TPST1: variants seen among roughly 807,000 people sequenced by gnomAD.
TPST1 encodes protein-tyrosine sulfotransferase 1.
Under a neutral mutation model 34.8 loss-of-function variants are expected in TPST1, and 20 were observed. That is an observed-to-expected ratio of 0.57 (90% confidence interval 0.40 to 0.84). TPST1 has a LOEUF of 0.84. Among genes scored for constraint, TPST1 ranks in the 40% least tolerant of loss-of-function variants. The probability of loss-of-function intolerance (pLI) is 0.00; values close to 1 mark genes in which losing one functional copy is unlikely to be tolerated. For missense variants in TPST1, 353 were observed against 455.5 expected, an observed-to-expected ratio of 0.78 and a Z score of 2.05; for synonymous variants, 152 against 159.4, an observed-to-expected ratio of 0.95 and a Z score of 0.35.
At chr7:66,355,567 G>T (rs1659185666) in intron 4 of TPST1, among the ~76,000 whole-genome samples, 1 of 151,374 alleles carries the variant, frequency 6.6e-6, no homozygotes, top group Admixed American at 6.6e-5. Context: ...TGGGCAAAAA[G>T]CCTGGACAAC....
intron 3 of TPST1, among the ~76,000 whole-genome samples, chr7:66,287,550 C>A (rs10950034): frequency 0.029 from 1,218 of 42,304 alleles, 4 homozygotes; most frequent in Non-Finnish European, 0.033. Flanking sequence ...TGCCATTCTA[C>A]CTGGTGTGAG....
At chr7:66,299,306 T>G (rs1791265086) in intron 3 of TPST1, among the ~76,000 whole-genome samples, 1 of 151,410 alleles carries the variant, frequency 6.6e-6, no homozygotes, top group Admixed American at 6.6e-5. Context: ...TAGGTTTTTT[T>G]TTTTTTTTTT....
intron 2 of TPST1, among the ~76,000 whole-genome samples, chr7:66,259,499 CTCT>C (rs1394644606): frequency 6.7e-6 from 1 of 150,358 alleles, no homozygotes; most frequent in Non-Finnish European, 1.5e-5. Flanking sequence ...AATTTTTTTT[CTCT>C]TCTTTCTCCT....
chr7:66,324,777 G>A (rs1418506268), intron 3 of TPST1, among the ~76,000 whole-genome samples: 6 of 134,164 alleles, frequency 4.5e-5, no homozygotes, highest in Admixed American at 8.4e-5. Flanking sequence ...CTCCAGCCTG[G>A]GTGACAGAGT....
intron 4 of TPST1, among the ~76,000 whole-genome samples, chr7:66,356,487 C>T (rs957174478): frequency 2.0e-5 from 3 of 152,196 alleles, no homozygotes; most frequent in East Asian, 1.9e-4. Flanking sequence ...CCAGAGTTGA[C>T]GTGGGCTCCA....
At chr7:66,275,408 G>A (rs1790787506) in intron 2 of TPST1, among the ~76,000 whole-genome samples, 2 of 152,058 alleles carry the variant, frequency 1.3e-5, no homozygotes, top group African/African-American at 2.4e-5. Flanking sequence ...TCAGAATGTG[G>A]TAGATATACC....
intron 1 of TPST1, among the ~76,000 whole-genome samples, chr7:66,234,833 C>A (rs1789878308): frequency 6.6e-6 from 1 of 151,642 alleles, no homozygotes; most frequent in African/African-American, 2.4e-5. Flanking sequence ...CCCGCCAACA[C>A]GCCTGGCTAA....
intron 2 of TPST1, among the ~76,000 whole-genome samples, chr7:66,284,312 G>C (rs1015032561): frequency 6.6e-6 from 1 of 151,990 alleles, no homozygotes; most frequent in African/African-American, 2.4e-5. Context: ...AGTCAATTCA[G>C]ATTTTTTCTC....
At chr7:66,272,207 C>G (rs1243667728) in intron 2 of TPST1, among the ~76,000 whole-genome samples, 1 of 152,018 alleles carries the variant, frequency 6.6e-6, no homozygotes, top group African/African-American at 2.4e-5. Context: ...AATATAGATG[C>G]AAAAATCCTC....
At chr7:66,319,135 C>G (rs1480695497) in intron 3 of TPST1, among the ~76,000 whole-genome samples, 1 of 151,956 alleles carries the variant, frequency 6.6e-6, no homozygotes, top group Admixed American at 6.6e-5. Flanking sequence ...AATTCTCGAC[C>G]ATTTTTCTTT....
At chr7:66,234,740 G>A (rs1043117608) in intron 1 of TPST1, among the ~76,000 whole-genome samples, 1 of 152,094 alleles carries the variant, frequency 6.6e-6, no homozygotes, top group Admixed American at 6.6e-5. Flanking sequence ...GCGGTGGCAG[G>A]ATCTCAGCTC....
chr7:66,278,784 C>G (rs1290132968), intron 2 of TPST1, among the ~76,000 whole-genome samples: 3 of 148,432 alleles, frequency 2.0e-5, no homozygotes, highest in African/African-American at 7.5e-5. Flanking sequence ...GGTGGCAGAA[C>G]GAGATTCCGT....
At chr7:66,234,911 G>C (rs1191659421) in intron 1 of TPST1, among the ~76,000 whole-genome samples, 1 of 152,148 alleles carries the variant, frequency 6.6e-6, no homozygotes, top group Non-Finnish European at 1.5e-5. Context: ...CTGACCTCAT[G>C]ATCTGCCCAC....
At chr7:66,283,394 G>A (rs1790972097) in intron 2 of TPST1, among the ~76,000 whole-genome samples, 1 of 152,156 alleles carries the variant, frequency 6.6e-6, no homozygotes, top group Admixed American at 6.5e-5. Context: ...TCCTACATCA[G>A]GGTTGACAAA....
At chr7:66,243,185 GTGTT>G (rs1009453546) in intron 2 of TPST1, among the ~76,000 whole-genome samples, 7 of 150,930 alleles carry the variant, frequency 4.6e-5, no homozygotes, top group South Asian at 2.1e-4. Context: ...GTGTGTGTGT[GTGTT>G]TAACAGATAC....
At position 66,296,676 on chromosome 7, in the gene TPST1, GT is replaced by G. The variant is rs55888171; in HGVS notation, c.1044+9988del. 5.7e-3 allele frequency among the ~76,000 whole-genome samples: 521 copies of G among 92,132 alleles called. 5 individuals carry two copies. The highest frequency in any genetic ancestry group is 0.018 in the African/African-American group (415 of 22,602). The allele number at this position is 92,132 out of a possible 152,430, so 60.4% of individuals were successfully genotyped here. A position where few individuals can be genotyped will look rare whatever the true frequency, so the allele number is the denominator to read the frequency against. On this transcript the variant is annotated intron_variant, in intron 3 of 5. Coordinates refer to ENST00000304842, the MANE Select transcript of TPST1 (RefSeq NM_003596.4). ...CTCTAAGCCTAAAAATACTGGGTTG[GT>G]TTTTTTTTTTTTTTTTTTTTGGTAC...
the TPST1 span, among the ~76,000 whole-genome samples, chr7:66,199,070 C>G: frequency 7.9e-5 from 12 of 152,150 alleles, no homozygotes; most frequent in Non-Finnish European, 1.8e-4. Flanking sequence ...GGAGTCCTCT[C>G]CTGGAGTCTC....
At chr7:66,345,525 A>G (rs1465824347) in intron 3 of TPST1, among the ~76,000 whole-genome samples, 1 of 151,428 alleles carries the variant, frequency 6.6e-6, no homozygotes, top group Non-Finnish European at 1.5e-5. Context: ...GATAAATACA[A>G]GAAAGTCTGT....
intron 2 of TPST1, among the ~76,000 whole-genome samples, chr7:66,266,594 T>C (rs567352749): frequency 6.6e-6 from 1 of 152,372 alleles, no homozygotes; most frequent in South Asian, 2.1e-4. Context: ...ATAGCAGCAC[T>C]ATTCATAGTA....
Sources: gnomAD v4.1 joint callset for allele counts (sites outside exome capture counted in the v4.1 genomes callset) on GRCh38, gnomAD v4.1.1 for gene constraint, MANE v1.5 for transcripts, NCBI Gene and HGNC (gene_info 2026-07-23, HGNC 2026-07-21) for gene names.